Variants in ANKRD6 observed in about 807,000 individuals in gnomAD.
The protein encoded by ANKRD6 is ankyrin repeat domain-containing protein 6.
Under a neutral mutation model 82.3 loss-of-function variants are expected in ANKRD6, and 56 were observed. The ratio of observed to expected loss-of-function variants is 0.68; its 90% CI spans 0.55 to 0.85. The LOEUF (loss-of-function observed/expected upper bound fraction) is 0.85, where lower values mean the gene tolerates loss of function less well. Among genes scored for constraint, ANKRD6 ranks in the 40% least tolerant of loss-of-function variants. The probability of loss-of-function intolerance (pLI) is 0.00; values close to 1 mark genes in which losing one functional copy is unlikely to be tolerated. For missense variants in ANKRD6, 852 were observed against 907.6 expected (o/e 0.94, Z 0.79); for synonymous variants, 347 against 352.1 (o/e 0.99, Z 0.16).
At chr6:89,447,323 A>G (rs1438985717) in intron 1 of ANKRD6, among the ~76,000 whole-genome samples, 1 of 152,184 alleles carries the variant, frequency 6.6e-6, no homozygotes, top group Non-Finnish European at 1.5e-5. Context: ...CCTTATTGTT[A>G]TTGCTGATAT....
At chr6:89,450,507 A>T (rs1317170787) in intron 1 of ANKRD6, among the ~76,000 whole-genome samples, 1 of 152,006 alleles carries the variant, frequency 6.6e-6, no homozygotes, top group African/African-American at 2.4e-5. Flanking sequence ...TTTAGCAACA[A>T]AGTATTTTTA....
intron 1 of ANKRD6, among the ~76,000 whole-genome samples, chr6:89,472,730 G>A (rs1033201357): frequency 1.3e-5 from 2 of 152,164 alleles, no homozygotes; most frequent in Admixed American, 1.3e-4. Flanking sequence ...CCACGTTGGA[G>A]TATCTGCCTT....
At chr6:89,506,654 G>A (rs1341761982) in intron 1 of ANKRD6, among the ~76,000 whole-genome samples, 10 of 152,156 alleles carry the variant, frequency 6.6e-5, no homozygotes, top group African/African-American at 2.4e-5. Context: ...ATACCTCAAC[G>A]AAGCTGGACA....
At chr6:89,544,898 G>A (rs1784885636) in intron 1 of ANKRD6, among the ~76,000 whole-genome samples, 1 of 151,878 alleles carries the variant, frequency 6.6e-6, no homozygotes, top group South Asian at 2.1e-4. Flanking sequence ...GGCAAGAAGA[G>A]GTTGCTCTCC....
chr6:89,618,890 C>T (rs953384023), intron 9 of ANKRD6, among the ~76,000 whole-genome samples: 3 of 152,122 alleles, frequency 2.0e-5, no homozygotes, highest in South Asian at 4.1e-4. Flanking sequence ...TCCAGATTGG[C>T]ACTATTCTGT....
intron 1 of ANKRD6, among the ~76,000 whole-genome samples, chr6:89,458,739 A>G (rs1483364037): frequency 6.6e-6 from 1 of 152,176 alleles, no homozygotes; most frequent in African/African-American, 2.4e-5. Flanking sequence ...ACTGACTCAC[A>G]TGTTAATCTC....
chr6:89,528,951 G>A (rs78177812), intron 1 of ANKRD6, among the ~76,000 whole-genome samples: 5 of 152,218 alleles, frequency 3.3e-5, no homozygotes, highest in African/African-American at 1.2e-4. Context: ...GTAAACAGAT[G>A]TGCTGTCATC....
At chr6:89,615,376 T>A (rs999223915) in intron 7 of ANKRD6, among the ~76,000 whole-genome samples, 48 of 152,292 alleles carry the variant, frequency 3.2e-4, no homozygotes, top group African/African-American at 1.2e-3. Flanking sequence ...CCTAATCAAG[T>A]AGCACGGCCT....
intron 1 of ANKRD6, among the ~76,000 whole-genome samples, chr6:89,514,081 T>A (rs1402790577): frequency 1.3e-5 from 2 of 152,302 alleles, no homozygotes; most frequent in Middle Eastern, 3.4e-3. Flanking sequence ...TAAGCTTTCT[T>A]AAAACATTAT....
intron 3 of ANKRD6, chr6:89,601,642 C>CAT (rs780017902): frequency 1.3e-5 from 2 of 152,010 alleles, no homozygotes; most frequent in African/African-American, 4.8e-5. Context: ...ATAAAATATA[C>CAT]ATAGCATTAA....
chr6:89,606,024 G>T lies in ANKRD6; in HGVS notation c.336G>T (p.Leu112Phe). 6.3e-7 allele frequency: 1 copy of T among 1,595,588 alleles called. No homozygotes were observed. The highest frequency in any genetic ancestry group is 1.7e-5 in the Admixed American group (1 of 58,046). The change falls in exon 5 of 16, where the codon TTG becomes TTT. Residue 112 changes from leucine (L) to phenylalanine (F), a missense_variant. Transcript: ENST00000339746. ...DRQDKDGNTA[L>F]HEASWHGFSQ... is the part of the protein sequence containing the mutation. ...TTCCTTAGGATGGGAATACAGCCTT[G>T]CATGAAGCATCCTGGCATGGTTTCA... is the stretch of plus-strand genomic sequence containing the variant.
At chr6:89,488,481 A>C (rs1777625474) in intron 1 of ANKRD6, among the ~76,000 whole-genome samples, 1 of 152,152 alleles carries the variant, frequency 6.6e-6, no homozygotes, top group South Asian at 2.1e-4. Flanking sequence ...ATGACAGTGC[A>C]ATTATGAGGG....
chr6:89,582,896 T>C (rs1562919328), intron 2 of ANKRD6, among the ~76,000 whole-genome samples: 1 of 152,202 alleles, frequency 6.6e-6, no homozygotes, highest in Non-Finnish European at 1.5e-5. Context: ...AACAGTGTAA[T>C]TAAGGATGTA....
Position 89,623,864 on chromosome 6 carries a change from T to C in ANKRD6, c.1033-8T>C, listed in dbSNP as rs1041918992. On this transcript the variant is annotated splice_polypyrimidine_tract_variant and splice_region_variant and intron_variant, in intron 11 of 15. Transcript: ENST00000339746. ...CGTTCAGGGGTGTTGTCTCTTCCTC[T>C]CTTACAGGTGTCAGCATTTTCTGAC... The C allele has an allele frequency of 6.2e-7, 1 of 1,610,306 alleles. No homozygotes were observed. Among genetic ancestry groups the C allele is most frequent in the Non-Finnish European group, 8.5e-7 (1 of 1,178,272 alleles).
chr6:89,598,244 A>G (rs752376388), intron 3 of ANKRD6: 32 of 985,270 alleles, frequency 3.2e-5, no homozygotes, highest in Non-Finnish European at 3.7e-5. Flanking sequence ...CTTCCTGCCA[A>G]TCGTGTCAAC....
chr6:89,468,474 T>G (rs1775087489), intron 1 of ANKRD6, among the ~76,000 whole-genome samples: 1 of 152,070 alleles, frequency 6.6e-6, no homozygotes, highest in African/African-American at 2.4e-5. Context: ...TTTGTCTTAA[T>G]TTTTCTATTT....
intron 1 of ANKRD6, chr6:89,483,667 C>A (rs1358124102): frequency 6.6e-6 from 1 of 152,196 alleles, no homozygotes; most frequent in Non-Finnish European, 1.5e-5. Context: ...GCGCTCTTTT[C>A]TGGATATAGA....
chr6:89,546,462 TCGATTG>T (rs1165773999), intron 1 of ANKRD6, among the ~76,000 whole-genome samples: 34 of 67,568 alleles, frequency 5.0e-4, no homozygotes, highest in Non-Finnish European at 8.9e-4. Flanking sequence ...GATTGATTGA[TCGATTG>T]ATCGATTGAT....
chr6:89,487,880 T>C (rs539924528), intron 1 of ANKRD6, among the ~76,000 whole-genome samples: 2 of 152,354 alleles, frequency 1.3e-5, no homozygotes, highest in African/African-American at 4.8e-5. Flanking sequence ...TGAAATTAGC[T>C]ACATAAATTG....
Sources: gnomAD v4.1 joint callset for allele counts (sites outside exome capture counted in the v4.1 genomes callset) on GRCh38, gnomAD v4.1.1 for gene constraint, MANE v1.5 for transcripts, NCBI Gene and HGNC (gene_info 2026-07-23, HGNC 2026-07-21) for gene names.